RPS27A: variants seen among roughly 807,000 people sequenced by gnomAD.
RPS27A encodes the protein ribosomal protein S27a.
RPS27A carries 1 observed loss-of-function variant against 18.9 expected under a neutral mutation model. The observed-to-expected ratio is 0.05, with a 90% CI of 0.02 to 0.25. The LOEUF (loss-of-function observed/expected upper bound fraction) is 0.25, where lower values mean the gene tolerates loss of function less well. RPS27A is among the 10% of genes least tolerant of loss of function. The pLI, the probability that RPS27A is intolerant of heterozygous loss-of-function variation, is 1.00. For synonymous variants in RPS27A, 77 were observed against 63.7 expected, an observed-to-expected ratio of 1.21 and a Z score of -0.99; for missense variants, 123 against 187.4, an observed-to-expected ratio of 0.66 and a Z score of 2.01.
Position 55,234,855 on chromosome 2 carries a change from A to C in RPS27A, c.214A>C (p.Arg72=), listed in dbSNP as rs2230613. The change falls in exon 5 of 6, where the codon AGA becomes CGA. Residue 72 remains arginine, a synonymous_variant. Coordinates refer to ENST00000272317, the MANE Select transcript of RPS27A (RefSeq NM_002954.6). ...GGAGTCTACTCTTCATCTTGTGTTG[A>C]GACTTCGTGGTGGTGCTAAGAAAAG... ...QKESTLHLVL[R]LRGGAKKRKK... is the part of the protein sequence containing the mutation. The C allele has an allele frequency of 2.8e-3, 4,574 of 1,612,484 alleles. 129 individuals are homozygous for C. The African/African-American group carries it at 0.054, about 19-fold the overall frequency.
chr2:55,235,784 G>A lies in RPS27A; in HGVS notation c.*207G>A. On this transcript the variant is annotated 3_prime_UTR_variant, in exon 6 of 6. Transcript: ENST00000272317. Reference sequence around the variant, plus strand: ...GGTGCCAACCACTTGTAAAGGTCTTGATATTTTCAATTCTTAGACTACCTA... The same window carrying A: ...GGTGCCAACCACTTGTAAAGGTCTTAATATTTTCAATTCTTAGACTACCTA... The A allele has an allele frequency of 1.6e-6, 1 of 607,914 alleles. No individual in the cohort carries two copies. Among genetic ancestry groups the A allele is most frequent in the Non-Finnish European group, 2.9e-6 (1 of 343,484 alleles). 37.7% of individuals were successfully genotyped at this position (607,914 alleles called of 1,614,324 possible).
chr2:55,235,284 CTG>C, intron 5 of RPS27A, 142 bp from the exon 6 acceptor site: 1 of 919,186 alleles, frequency 1.1e-6, no homozygotes, highest in Non-Finnish European at 1.7e-6. Context: ...GCAATGATAA[CTG>C]GTGAGAATTT....
chr2:55,234,496 G>C, intron 4 of RPS27A: 1 of 549,528 alleles, frequency 1.8e-6, no homozygotes. Flanking sequence ...CACTCCATGT[G>C]GTGTATTCTG....
chr2:55,233,335 C>T (rs575362349), intron 2 of RPS27A, 28 bp from the exon 3 acceptor site: 5 of 1,589,272 alleles, frequency 3.1e-6, no homozygotes, highest in Non-Finnish European at 4.3e-6. Context: ...AATGTGTAAC[C>T]AACATGCTTT....
Position 55,234,953 on chromosome 2 carries a change from A to C in RPS27A, c.312A>C (p.Lys104Asn). Residue 104 changes from lysine (K) to asparagine (N), a missense_variant, in exon 5 of 6, where the codon AAA (lysine) becomes AAC (asparagine). Transcript: ENST00000272317. ...AGAAGGTTAAGCTGGCTGTCCTGAA[A>C]TATTATAAGGTGAGCCAGTTAAAGG... Reference protein sequence around the residue: ...KRKKVKLAVLKYYKVDENGKI... With the variant: ...KRKKVKLAVLNYYKVDENGKI... The C allele has an allele frequency of 6.2e-7, 1 of 1,613,224 alleles. No homozygotes were observed.
At position 55,233,335 on chromosome 2, in the gene RPS27A, C is replaced by A. The variant is rs575362349; in HGVS notation, c.49-28C>A. 9 of 1,589,388 alleles carry A rather than the reference C, an allele frequency of 5.7e-6. 1 individual carries two copies. In the South Asian group the frequency reaches 9.9e-5, roughly 18 times the overall value. The stretch of plus-strand genomic sequence containing the variant: ...CTGCTGTAGTTCCTTAATGTGTAAC[C>A]AACATGCTTTCACTTTAACACTCAT... On this transcript the variant is annotated intron_variant, in intron 2 of 5. Transcript: ENST00000272317.
chr2:55,234,243 AT>A (rs1349332165), intron 4 of RPS27A, 39 bp downstream of exon 4: 6 of 1,440,172 alleles, frequency 4.2e-6, no homozygotes, highest in African/African-American at 1.4e-5. Context: ...TAAAAAAAAA[AT>A]GTTATTTTGG....
At chr2:55,234,393 G>A (rs774598283) in intron 4 of RPS27A, 189 bp downstream of exon 4, 5 of 613,144 alleles carry the variant, frequency 8.2e-6, no homozygotes, top group Non-Finnish European at 1.2e-5. Context: ...GGAACTATAG[G>A]CACCCGCCAC....
At chr2:55,234,621 A>G (rs1675699815) in intron 4 of RPS27A, 2 of 612,864 alleles carry the variant, frequency 3.3e-6, no homozygotes, top group East Asian at 5.7e-5. Flanking sequence ...TGAATTTTGC[A>G]AGTTGTATCC....
upstream of RPS27A, chr2:55,232,040 T>A (rs1675439852): frequency 6.6e-6 from 1 of 152,432 alleles, no homozygotes; most frequent in East Asian, 1.9e-4. Flanking sequence ...CCACGCAAAT[T>A]CCCTTCCCTT....
At chr2:55,235,119 C>G in intron 5 of RPS27A, 157 bp downstream of exon 5, 1 of 878,486 alleles carries the variant, frequency 1.1e-6, no homozygotes, top group South Asian at 1.6e-5. Flanking sequence ...TTCAGACTTT[C>G]TGGGGTTTTT....
At chr2:55,235,308 G>GTT in intron 5 of RPS27A, 120 bp from the exon 6 acceptor site, 4 of 1,136,246 alleles carry the variant, frequency 3.5e-6, no homozygotes, top group Non-Finnish European at 5.3e-6. Flanking sequence ...GGGTGCTTTG[G>GTT]TTTGTAAGCA....
chr2:55,234,094 C>CT, intron 3 of RPS27A, 25 bp from the exon 4 acceptor site: 1 of 1,551,762 alleles, frequency 6.4e-7, no homozygotes, highest in South Asian at 1.1e-5. Flanking sequence ...TGTGCTGTGA[C>CT]TTAATTTTTG....
chr2:55,232,732 T>C (rs1243725616), intron 1 of RPS27A, 24 bp downstream of exon 1: 3 of 1,175,140 alleles, frequency 2.6e-6, no homozygotes, highest in Non-Finnish European at 3.8e-6. Context: ...CTTCGGCTGC[T>C]CTCGGGTTAG....
At chr2:55,232,672 C>T (rs1375968573), upstream of RPS27A, 2 of 752,010 alleles carry the variant, frequency 2.7e-6, no homozygotes, top group East Asian at 2.7e-5. Flanking sequence ...CCCCGTGGGC[C>T]TGCGCGGCGT....
Position 55,234,969 on chromosome 2 carries a change from C to T in RPS27A, c.321+7C>T, listed in dbSNP as rs1220778983. The T allele has an allele frequency of 1.9e-6, 3 of 1,612,366 alleles. No homozygotes were observed. The highest frequency in any genetic ancestry group is 2.7e-5 in the African/African-American group (2 of 74,868). ...TGTCCTGAAATATTATAAGGTGAGC[C>T]AGTTAAAGGGCAGAATGTCAGCAAA... On this transcript the variant is annotated splice_region_variant and intron_variant, in intron 5 of 5. Coordinates refer to ENST00000272317, the MANE Select transcript of RPS27A (RefSeq NM_002954.6).
In RPS27A at chr2:55,233,338, C is replaced by A. The variant is rs910162794; in HGVS notation, c.49-25C>A. On this transcript the variant is annotated intron_variant, in intron 2 of 5. Coordinates refer to ENST00000272317, the MANE Select transcript of RPS27A (RefSeq NM_002954.6). ...CTGTAGTTCCTTAATGTGTAACCAA[C>A]ATGCTTTCACTTTAACACTCATAGG... 2.5e-6 allele frequency: 4 copies of A among 1,589,162 alleles called. No individual in the cohort carries two copies. The South Asian group carries it at 4.4e-5, about 18-fold the overall frequency.
chr2:55,234,626 G>T, intron 4 of RPS27A: 1 of 623,596 alleles, frequency 1.6e-6, no homozygotes, highest in Non-Finnish European at 2.8e-6. Flanking sequence ...TTTGCAAGTT[G>T]TATCCCATGG....
chr2:55,233,511 G>C, intron 3 of RPS27A, 94 bp downstream of exon 3: 1 of 873,354 alleles, frequency 1.1e-6, no homozygotes, highest in South Asian at 1.4e-5. Flanking sequence ...GATGGGGGAA[G>C]GGGTCAGATT....
Sources: gnomAD v4.1 joint callset for allele counts on GRCh38, gnomAD v4.1.1 for gene constraint, MANE v1.5 for transcripts, NCBI Gene and HGNC (gene_info 2026-07-23, HGNC 2026-07-21) for gene names.